ACSS3: variants seen among roughly 807,000 people sequenced by gnomAD.
The protein encoded by ACSS3 is acyl-CoA synthetase short-chain family member 3, mitochondrial.
In ACSS3, 64 loss-of-function variants were observed where a neutral mutation model predicts 84.2. The ratio of observed to expected loss-of-function variants is 0.76; its 90% CI spans 0.62 to 0.94. The LOEUF (loss-of-function observed/expected upper bound fraction) is 0.94. Ranked by LOEUF, ACSS3 falls within the 40% of genes least tolerant of loss-of-function variation. The probability of loss-of-function intolerance (pLI) is 0.00; values close to 1 mark genes in which losing one functional copy is unlikely to be tolerated. For missense variants in ACSS3, 815 were observed against 867.6 expected (o/e 0.94, Z 0.76); for synonymous variants, 317 against 310.1 (o/e 1.02, Z -0.23).
At chr12:81,134,483 C>CT (rs1385155044) in intron 2 of ACSS3, among the ~76,000 whole-genome samples, 1 of 152,030 alleles carries the variant, frequency 6.6e-6, no homozygotes, top group Non-Finnish European at 1.5e-5. Flanking sequence ...CTGTGTCTTT[C>CT]TTTTATCAGT....
At chr12:81,107,304 A>G (rs1483435268) in intron 1 of ACSS3, among the ~76,000 whole-genome samples, 1 of 151,822 alleles carries the variant, frequency 6.6e-6, no homozygotes, top group African/African-American at 2.4e-5. Context: ...AATAATGCAA[A>G]TAAATGACAA....
chr12:81,216,341 CCT>C (rs1565726173), intron 9 of ACSS3, among the ~76,000 whole-genome samples: 1 of 151,644 alleles, frequency 6.6e-6, no homozygotes, highest in African/African-American at 2.4e-5. Context: ...AGGAGATATA[CCT>C]AATGCTAAAT....
At chr12:81,239,213 A>T (rs1381725926) in intron 13 of ACSS3, among the ~76,000 whole-genome samples, 1 of 151,902 alleles carries the variant, frequency 6.6e-6, no homozygotes. Flanking sequence ...TTACCTCAGA[A>T]CAGATGTTGT....
chr12:81,096,656 G>A (rs1882079182), intron 1 of ACSS3, among the ~76,000 whole-genome samples: 1 of 148,260 alleles, frequency 6.7e-6, no homozygotes, highest in African/African-American at 2.5e-5. Context: ...AGTGCGTGAT[G>A]TTCCCCTCCC....
intron 5 of ACSS3, among the ~76,000 whole-genome samples, chr12:81,146,515 A>G (rs569124793): frequency 4.6e-5 from 7 of 152,340 alleles, no homozygotes; most frequent in African/African-American, 1.7e-4. Flanking sequence ...TCTCAAATAT[A>G]AAACACACAT....
At chr12:81,102,761 G>A (rs11114767) in intron 1 of ACSS3, among the ~76,000 whole-genome samples, 49,079 of 151,318 alleles carry the variant, frequency 0.32, 8,257 homozygotes, top group Admixed American at 0.45. Flanking sequence ...CCTGGGAGAC[G>A]GAGGTTGCAG....
chr12:81,214,535 A>T (rs1238562083), intron 9 of ACSS3, among the ~76,000 whole-genome samples: 1 of 152,090 alleles, frequency 6.6e-6, no homozygotes, highest in Non-Finnish European at 1.5e-5. Context: ...CATAATGTAT[A>T]AAAAAGATGA....
At chr12:81,188,447 A>C (rs925935867) in intron 8 of ACSS3, among the ~76,000 whole-genome samples, 1 of 152,100 alleles carries the variant, frequency 6.6e-6, no homozygotes, top group African/African-American at 2.4e-5. Context: ...TATCCATTGA[A>C]CACATCCAGA....
At chr12:81,224,230 T>C (rs999050129) in intron 11 of ACSS3, among the ~76,000 whole-genome samples, 13 of 151,942 alleles carry the variant, frequency 8.6e-5, no homozygotes, top group Non-Finnish European at 1.5e-5. Flanking sequence ...TTAGTATTTT[T>C]GCATCTTTCC....
intron 1 of ACSS3, among the ~76,000 whole-genome samples, chr12:81,106,228 C>G (rs1420884368): frequency 6.6e-6 from 1 of 152,164 alleles, no homozygotes; most frequent in Non-Finnish European, 1.5e-5. Flanking sequence ...TGAGCTCCAA[C>G]TCCTGTCAGA....
intron 11 of ACSS3, among the ~76,000 whole-genome samples, chr12:81,228,245 T>G (rs2033336963): frequency 6.6e-6 from 1 of 151,790 alleles, no homozygotes. Flanking sequence ...AAGTTCTACG[T>G]TAAATTTCAG....
intron 1 of ACSS3, among the ~76,000 whole-genome samples, chr12:81,085,367 A>G (rs908072761): frequency 2.0e-5 from 3 of 152,242 alleles, no homozygotes; most frequent in Non-Finnish European, 2.9e-5. Context: ...ATAAGGAAGC[A>G]GCTGAAAAGG....
intron 7 of ACSS3, among the ~76,000 whole-genome samples, chr12:81,165,556 G>A (rs970995246): frequency 2.0e-5 from 3 of 152,070 alleles, no homozygotes; most frequent in Non-Finnish European, 4.4e-5. Flanking sequence ...TGAGGCAGGA[G>A]AACGGTGTGA....
chr12:81,171,178 A>G (rs1214537160), intron 7 of ACSS3, among the ~76,000 whole-genome samples: 2 of 152,136 alleles, frequency 1.3e-5, no homozygotes, highest in Non-Finnish European at 2.9e-5. Context: ...CGTTCCCAGA[A>G]TATTTATTAA....
At chr12:81,129,655 T>C (rs149092767) in intron 2 of ACSS3, among the ~76,000 whole-genome samples, 2 of 152,336 alleles carry the variant, frequency 1.3e-5, no homozygotes, top group East Asian at 1.9e-4. Context: ...CTTTAAGTTC[T>C]AGGGTACATG....
At chr12:81,235,606 A>G (rs1215027987) in intron 13 of ACSS3, among the ~76,000 whole-genome samples, 2 of 151,464 alleles carry the variant, frequency 1.3e-5, no homozygotes, top group South Asian at 2.1e-4. Context: ...ACTGAGTTCA[A>G]TCCATGAGTT....
chr12:81,213,484 G>GAGTCC lies in ACSS3; in HGVS notation c.1355-3417_1355-3416insAGTCC, dbSNP rs1356909191. On this transcript the variant is annotated intron_variant, in intron 9 of 15. Transcript: ENST00000548058. The stretch of plus-strand genomic sequence containing the variant: ...CTTTTGTTCTACCTATGATTCCTTA[G>GAGTCC]TATGCTTAGAGTCCTAGGAACTGCC... 1.4e-4 allele frequency among the ~76,000 whole-genome samples: 21 copies of GAGTCC among 151,804 alleles called. No homozygotes were observed. The South Asian group carries it at 4.2e-3, about 30-fold the overall frequency.
At chr12:81,168,316 G>A (rs1887496560) in intron 7 of ACSS3, among the ~76,000 whole-genome samples, 1 of 152,118 alleles carries the variant, frequency 6.6e-6, no homozygotes, top group Non-Finnish European at 1.5e-5. Context: ...TGTGTTTTGA[G>A]AGGCTTTCAT....
At chr12:81,206,519 T>C (rs955705767) in intron 9 of ACSS3, among the ~76,000 whole-genome samples, 1 of 152,096 alleles carries the variant, frequency 6.6e-6, no homozygotes, top group Admixed American at 6.6e-5. Context: ...TATTTTTTGG[T>C]AAATTTAACA....
Sources: gnomAD v4.1 joint callset for allele counts (sites outside exome capture counted in the v4.1 genomes callset) on GRCh38, gnomAD v4.1.1 for gene constraint, MANE v1.5 for transcripts, NCBI Gene and HGNC (gene_info 2026-07-23, HGNC 2026-07-21) for gene names.